Variants in ERBB4 observed in about 807,000 individuals in gnomAD.
The protein encoded by ERBB4 is erb-b2 receptor tyrosine kinase 4.
In ERBB4, 42 loss-of-function variants were observed where a neutral mutation model predicts 158.0. The ratio of observed to expected loss-of-function variants is 0.27; its 90% CI spans 0.21 to 0.34. ERBB4 has a LOEUF of 0.34. Ranked by LOEUF, ERBB4 falls within the 10% of genes least tolerant of loss-of-function variation. ERBB4 has a pLI of 1.00. For missense variants in ERBB4, 1,333 were observed against 1,624.1 expected (o/e 0.82, Z 3.08); for synonymous variants, 583 against 558.7 (o/e 1.04, Z -0.61).
chr2:212,029,609 A>T (rs1457992448), intron 2 of ERBB4, among the ~76,000 whole-genome samples: 1 of 152,212 alleles, frequency 6.6e-6, no homozygotes, highest in Non-Finnish European at 1.5e-5. Context: ...TATTCATGAC[A>T]TCGTGCTTTC....
rs771809161 is a variant in ERBB4, at chr2:211,673,211, G to A, written c.1669C>T (p.Pro557Ser). 9.0e-5 allele frequency: 146 copies of A among 1,613,532 alleles called. No individual in the cohort carries two copies. The highest frequency in any genetic ancestry group is 1.2e-4 in the Non-Finnish European group (136 of 1,179,772). The change falls in exon 14 of 28, where the codon CCC (proline) becomes TCC (serine). Residue 557 changes from proline (P) to serine (S), a missense_variant. By Grantham distance (74) the Pro-to-Ser change is moderately conservative. Around this residue, in one of 5 missense-constraint regions of ERBB4, gnomAD observed 245 missense variants for 247.5 expected, o/e 0.99. Transcript: ENST00000342788. ...ENGSICVECD[P>S]QCEKMEDGLL... is the part of the protein sequence containing the mutation. ...CCATCTTCCATCTTCTCACACTGGGGGTCACACTCCACACAGATGGAGCCA... is the reference window on the plus strand; with the variant it reads ...CCATCTTCCATCTTCTCACACTGGGAGTCACACTCCACACAGATGGAGCCA...
At position 211,705,329 on chromosome 2, in the gene ERBB4, C is replaced by T. The variant is rs368876919; in HGVS notation, c.1187G>A (p.Arg396Lys). 6.2e-6 allele frequency: 10 copies of T among 1,609,578 alleles called. No individual in the cohort carries two copies. The African/African-American group carries it at 1.1e-4, about 17-fold the overall frequency. Residue 396 changes from arginine (R) to lysine (K), a missense_variant, in exon 10 of 28, where the codon AGA becomes AAA. Around this residue, in one of 5 missense-constraint regions of ERBB4, gnomAD observed 438 missense variants for 586.9 expected, o/e 0.75. Coordinates refer to ENST00000342788, the MANE Select transcript of ERBB4 (RefSeq NM_005235.3). ...GTTTAAAAAATTACCTGTTATCTCT[C>T]TGACTGTCCGAAAGACGTTCAGTTT... is the stretch of plus-strand genomic sequence containing the variant. ...PEKLNVFRTVREITGFLNIQS... is the reference protein window; with the variant it reads ...PEKLNVFRTVKEITGFLNIQS...
chr2:211,742,688 G>A (rs1355180215), intron 5 of ERBB4, among the ~76,000 whole-genome samples: 2 of 151,572 alleles, frequency 1.3e-5, no homozygotes, highest in African/African-American at 4.9e-5. Flanking sequence ...AAATTACTGA[G>A]GAAAATGCTA....
chr2:212,517,564 C>T (rs1049703927), intron 1 of ERBB4, among the ~76,000 whole-genome samples: 1 of 152,022 alleles, frequency 6.6e-6, no homozygotes, highest in Non-Finnish European at 1.5e-5. Context: ...TCAGTTGAAA[C>T]TCCCCCTTGT....
At chr2:211,418,759 T>G (rs1232790730) in intron 25 of ERBB4, among the ~76,000 whole-genome samples, 1 of 152,108 alleles carries the variant, frequency 6.6e-6, no homozygotes, top group East Asian at 1.9e-4. Flanking sequence ...GGGTATATAA[T>G]TTGATCATTT....
chr2:212,431,065 T>C (rs1013707266), intron 1 of ERBB4, among the ~76,000 whole-genome samples: 2 of 152,086 alleles, frequency 1.3e-5, no homozygotes, highest in Admixed American at 1.3e-4. Flanking sequence ...TCTGAATTTT[T>C]TATTCAGACT....
intron 20 of ERBB4, among the ~76,000 whole-genome samples, chr2:211,489,572 C>CAAGCAATTTATCATTATATAATGT (rs2065287820): frequency 6.6e-6 from 1 of 151,770 alleles, no homozygotes; most frequent in Non-Finnish European, 1.5e-5. Context: ...TAGCCATTGT[C>CAAGCAATTTATCATTATATAATGT]AAGCAATTTA....
At chr2:212,012,313 A>G (rs2076407554) in intron 2 of ERBB4, among the ~76,000 whole-genome samples, 1 of 152,186 alleles carries the variant, frequency 6.6e-6, no homozygotes, top group East Asian at 1.9e-4. Context: ...TTTTAAGACG[A>G]AATTATATTT....
chr2:211,763,201 T>C (rs1213568306), intron 4 of ERBB4, among the ~76,000 whole-genome samples: 1 of 152,158 alleles, frequency 6.6e-6, no homozygotes, highest in African/African-American at 2.4e-5. Context: ...GAATAGTCAG[T>C]GTTTAAGGAG....
intron 3 of ERBB4, among the ~76,000 whole-genome samples, chr2:211,878,718 C>T (rs529725975): frequency 2.0e-4 from 27 of 137,184 alleles, no homozygotes; most frequent in African/African-American, 6.6e-4. Flanking sequence ...AGTGCAGTGG[C>T]GCAATCTCAG....
chr2:212,372,544 T>A (rs1197082028), intron 1 of ERBB4, among the ~76,000 whole-genome samples: 1 of 151,582 alleles, frequency 6.6e-6, no homozygotes, highest in Middle Eastern at 3.2e-3. Flanking sequence ...ATTCAAGAGA[T>A]CAAGACCATC....
intron 16 of ERBB4, among the ~76,000 whole-genome samples, chr2:211,649,751 G>T (rs1296201043): frequency 6.6e-6 from 1 of 151,846 alleles, no homozygotes; most frequent in Non-Finnish European, 1.5e-5. Context: ...AACTTACATG[G>T]CTACAAGCAT....
chr2:211,677,080 A>C (rs930370101), intron 13 of ERBB4, among the ~76,000 whole-genome samples: 44 of 152,096 alleles, frequency 2.9e-4, no homozygotes, highest in Admixed American at 1.3e-4. Flanking sequence ...TTTCCCTTAT[A>C]TTTTATGGAT....
intron 3 of ERBB4, among the ~76,000 whole-genome samples, chr2:211,834,526 G>T (rs564370787): frequency 6.6e-6 from 1 of 151,554 alleles, no homozygotes; most frequent in African/African-American, 2.4e-5. Context: ...GACTTTAAGG[G>T]AAGAAGACAT....
intron 1 of ERBB4, among the ~76,000 whole-genome samples, chr2:212,306,672 A>C (rs991885144): frequency 2.0e-5 from 3 of 150,954 alleles, no homozygotes; most frequent in African/African-American, 7.3e-5. Flanking sequence ...AAAGCAGCCC[A>C]GTTTCTGAAT....
At chr2:212,014,540 G>A (rs1463529565) in intron 2 of ERBB4, among the ~76,000 whole-genome samples, 1 of 152,088 alleles carries the variant, frequency 6.6e-6, no homozygotes, top group Non-Finnish European at 1.5e-5. Flanking sequence ...TATCATAAAC[G>A]GAGTGGTCAA....
At chr2:212,276,085 G>C (rs1371945002) in intron 1 of ERBB4, among the ~76,000 whole-genome samples, 1 of 151,706 alleles carries the variant, frequency 6.6e-6, no homozygotes, top group Non-Finnish European at 1.5e-5. Flanking sequence ...TGGTTCCAGG[G>C]TCCATATAGT....
chr2:211,687,877 G>A (rs145486915), intron 12 of ERBB4, among the ~76,000 whole-genome samples: 4 of 152,174 alleles, frequency 2.6e-5, no homozygotes, highest in African/African-American at 4.8e-5. Context: ...TGTACTTAGC[G>A]GGAGGAAAAG....
In ERBB4 at chr2:211,838,028, G is replaced by T. The variant is rs141851577; in HGVS notation, c.422-49869C>A. ...TGGACTGCTTGGGTACCATCATTCA[G>T]ATGGTGAATTACACAGTGCTATTTC... On this transcript the variant is annotated intron_variant, in intron 3 of 27. Coordinates refer to ENST00000342788, the MANE Select transcript of ERBB4 (RefSeq NM_005235.3). Among the ~76,000 whole-genome samples, 107 of 152,152 alleles carry T rather than the reference G, an allele frequency of 7.0e-4. No homozygotes were observed. The Middle Eastern group carries it at 0.01, about 15-fold the overall frequency.
Sources: allele counts gnomAD v4.1 joint callset (sites outside exome capture counted in the v4.1 genomes callset), GRCh38; gene constraint gnomAD v4.1.1; regional missense constraint gnomAD v4.1.1; transcripts MANE v1.5; gene names NCBI Gene and HGNC (gene_info 2026-07-23, HGNC 2026-07-21).